The following CHD2 variants were observed in gnomAD, a reference collection of about 807,000 sequenced individuals.
CHD2 encodes chromodomain helicase DNA binding protein 2.
A neutral mutation model predicts 243.9 loss-of-function variants in CHD2; 28 were observed. The observed-to-expected ratio is 0.11, with a 90% CI of 0.09 to 0.16. The LOEUF (loss-of-function observed/expected upper bound fraction) is 0.16. Among genes scored for constraint, CHD2 ranks in the 10% least tolerant of loss-of-function variants. The pLI, the probability that CHD2 is intolerant of heterozygous loss-of-function variation, is 1.00. For missense variants in CHD2, 1,386 were observed against 2,209.8 expected, an observed-to-expected ratio of 0.63 and a Z score of 7.47; for synonymous variants, 775 against 779.0, an observed-to-expected ratio of 0.99 and a Z score of 0.09.
chr15:92,985,471 G>T, intron 25 of CHD2, 27 bp from the exon 26 acceptor site: 1 of 1,590,942 alleles, frequency 6.3e-7, no homozygotes, highest in African/African-American at 1.3e-5. Flanking sequence ...ACTTGTTACA[G>T]TGTGACTTTG....
intron 36 of CHD2, among the ~76,000 whole-genome samples, chr15:93,012,990 C>T (rs1472322088): frequency 6.6e-6 from 1 of 152,174 alleles, no homozygotes; most frequent in Non-Finnish European, 1.5e-5. Context: ...ATGGGCTGTA[C>T]CCAAGTTGGA....
At chr15:93,000,902 C>G (rs1019009949) in intron 32 of CHD2, among the ~76,000 whole-genome samples, 3 of 152,208 alleles carry the variant, frequency 2.0e-5, no homozygotes, top group South Asian at 4.1e-4. Flanking sequence ...AAGTCTCGCT[C>G]TTGTCCGCGA....
intron 16 of CHD2, among the ~76,000 whole-genome samples, chr15:92,956,928 C>T (rs2053623342): frequency 1.3e-5 from 2 of 152,132 alleles, no homozygotes; most frequent in East Asian, 3.9e-4. Flanking sequence ...CAGACCTTTT[C>T]ACTGTTGGTA....
rs759929488 is a variant in CHD2 at position 92,946,018 on chromosome 15, A to T, written c.1199-20A>T. On this transcript the variant is annotated intron_variant, in intron 11 of 38. Transcript: ENST00000394196. ...TTAATTGACAGTTGCTAATCTATAA[A>T]TTTTTTTTATATGAAATAGCTCATA... 7.1e-6 allele frequency: 11 copies of T among 1,542,882 alleles called. No individual in the cohort carries two copies. The highest frequency in any genetic ancestry group is 6.2e-5 in the South Asian group (5 of 81,024).
chr15:92,947,873 T>C (rs2053494605), intron 12 of CHD2, among the ~76,000 whole-genome samples: 1 of 152,148 alleles, frequency 6.6e-6, no homozygotes, highest in Admixed American at 6.5e-5. Flanking sequence ...GAATGATACT[T>C]CTCATAATGT....
chr15:92,986,236 A>T (rs990425846), intron 26 of CHD2, among the ~76,000 whole-genome samples: 1 of 152,122 alleles, frequency 6.6e-6, no homozygotes, highest in Non-Finnish European at 1.5e-5. Context: ...TCTGATTCAA[A>T]TGTCTCTATC....
At chr15:92,939,532 A>G (rs769405408) in intron 6 of CHD2, 46 bp from the exon 7 acceptor site, 1 of 1,590,192 alleles carries the variant, frequency 6.3e-7, no homozygotes, top group Admixed American at 1.8e-5. Flanking sequence ...GTAGACACCA[A>G]ATGATAAAGT....
intron 2 of CHD2, chr15:92,904,546 A>T: frequency 1.6e-5 from 16 of 1,003,228 alleles, no homozygotes; most frequent in Non-Finnish European, 1.9e-5. Flanking sequence ...TCTTTCCTGG[A>T]CGCGTTTGCT....
At chr15:92,910,447 C>T (rs1196321105) in intron 2 of CHD2, among the ~76,000 whole-genome samples, 11 of 152,044 alleles carry the variant, frequency 7.2e-5, no homozygotes, top group Non-Finnish European at 1.6e-4. Flanking sequence ...GGTTGGAGTG[C>T]AGTGGCGCCG....
At chr15:92,917,422 G>A (rs2052861525) in intron 2 of CHD2, among the ~76,000 whole-genome samples, 1 of 152,186 alleles carries the variant, frequency 6.6e-6, no homozygotes, top group African/African-American at 2.4e-5. Context: ...TTAGCCAGGT[G>A]CAGTGGGGCA....
intron 13 of CHD2, among the ~76,000 whole-genome samples, chr15:92,950,887 A>G (rs990358342): frequency 5.9e-5 from 9 of 152,218 alleles, no homozygotes; most frequent in Non-Finnish European, 1.2e-4. Flanking sequence ...GATAAAATCT[A>G]GTACAATATT....
At chr15:93,020,368 C>CATCATGCATGTGTCAGCCACAGCGA in intron 38 of CHD2, 110 bp downstream of exon 38, 1 of 1,360,568 alleles carries the variant, frequency 7.3e-7, no homozygotes. Flanking sequence ...CTGAAGATCT[C>CATCATGCATGTGTCAGCCACAGCGA]ATCATGCATG....
chr15:92,927,643 T>C (rs2053088037), intron 4 of CHD2, among the ~76,000 whole-genome samples: 1 of 152,234 alleles, frequency 6.6e-6, no homozygotes, highest in Non-Finnish European at 1.5e-5. Context: ...GTTTACCTTT[T>C]TAAGCCCCTA....
intron 19 of CHD2, among the ~76,000 whole-genome samples, chr15:92,973,034 G>A (rs992581101): frequency 6.6e-6 from 1 of 152,192 alleles, no homozygotes; most frequent in Non-Finnish European, 1.5e-5. Context: ...TATTGCATGT[G>A]TATGGTGAAA....
At chr15:92,931,724 G>A (rs1333889653) in intron 5 of CHD2, among the ~76,000 whole-genome samples, 1 of 151,952 alleles carries the variant, frequency 6.6e-6, no homozygotes, top group East Asian at 1.9e-4. Context: ...TGAACTATTT[G>A]AGACTAAAAT....
rs1273391509 is a variant in CHD2, at chr15:93,000,536, C to T, written c.4033C>T (p.Arg1345Trp). The T allele has an allele frequency of 3.7e-6, 6 of 1,611,250 alleles. No homozygotes were observed. Among genetic ancestry groups the T allele is most frequent in the East Asian group, 2.2e-5 (1 of 44,842 alleles). Residue 1345 changes from arginine to tryptophan, a missense_variant, in exon 32 of 39, where the codon CGG becomes TGG. Around this residue, in one of 19 missense-constraint regions of CHD2, gnomAD observed 125 missense variants for 128.9 expected, o/e 0.97. Coordinates refer to ENST00000394196, the MANE Select transcript of CHD2 (RefSeq NM_001271.4). ...GGCCAAATTAAAGAAGCGGAAGCCT[C>T]GGGTAAAGAAGGAAAACAAAGTGCC... Reference protein sequence around the residue: ...EEAKLKKRKPRVKKENKVPRL... With the variant: ...EEAKLKKRKPWVKKENKVPRL...
intron 26 of CHD2, among the ~76,000 whole-genome samples, chr15:92,990,260 A>G (rs1235928936): frequency 5.3e-5 from 8 of 152,170 alleles, no homozygotes; most frequent in African/African-American, 1.2e-4. Flanking sequence ...TTACACAGCT[A>G]TTGTAGTTGC....
chr15:92,900,500 G>A lies in CHD2; in HGVS notation c.-396G>A. ...GGTCGATTCGAACCTTTTTTTGGGA[G>A]AAAAGCAGCTTTTAGGAGCTTTCTT... On this transcript the variant is annotated 5_prime_UTR_variant, in exon 1 of 39. Transcript: ENST00000394196. The A allele has an allele frequency of 2.5e-6, 1 of 398,640 alleles. No homozygotes were observed. Among genetic ancestry groups the A allele is most frequent in the South Asian group, 1.3e-4 (1 of 7,826 alleles). 24.7% of individuals were successfully genotyped at this position (398,640 alleles called of 1,614,324 possible).
rs3841660 is a variant in CHD2, at chr15:92,942,648, T to TG, written c.827-193dup. 0.56 allele frequency among the ~76,000 whole-genome samples: 85,485 copies of TG among 151,800 alleles called. 24,679 individuals are homozygous for TG. The highest frequency in any genetic ancestry group is 0.86 in the East Asian group (4,427 of 5,170). On this transcript the variant is annotated intron_variant, in intron 8 of 38. Coordinates refer to ENST00000394196, the MANE Select transcript of CHD2 (RefSeq NM_001271.4). ...TGCAAATTTAGGAATATGTAAAAAG[T>TG]GGTTTACATTTTTAAAATACTTGAA...
Sources: gnomAD v4.1 joint callset for allele counts (sites outside exome capture counted in the v4.1 genomes callset) on GRCh38, gnomAD v4.1.1 for gene constraint, gnomAD v4.1.1 regional missense constraint, MANE v1.5 for transcripts, NCBI Gene and HGNC (gene_info 2026-07-23, HGNC 2026-07-21) for gene names.